CACNA1C: variants seen among roughly 807,000 people sequenced by gnomAD.
CACNA1C encodes voltage-dependent L-type calcium channel subunit alpha-1C.
Under a neutral mutation model 229.0 loss-of-function variants are expected in CACNA1C, and 30 were observed. The ratio of observed to expected loss-of-function variants is 0.13; its 90% confidence interval spans 0.10 to 0.18. The LOEUF (loss-of-function observed/expected upper bound fraction) is 0.18. Ranked by LOEUF, CACNA1C falls within the 10% of genes least tolerant of loss-of-function variation. The probability of loss-of-function intolerance (pLI) is 1.00; values close to 1 mark genes in which losing one functional copy is unlikely to be tolerated. For missense variants in CACNA1C, 1,658 were observed against 2,845.0 expected (o/e 0.58, Z 9.49); for synonymous variants, 1,114 against 1,132.5 (o/e 0.98, Z 0.33).
At chr12:2,077,544 TCA>T (rs1385174191) in intron 1 of CACNA1C, among the ~76,000 whole-genome samples, 2 of 152,120 alleles carry the variant, frequency 1.3e-5, no homozygotes, top group African/African-American at 2.4e-5. Flanking sequence ...AACTTAATTC[TCA>T]CAACAACCCT....
At chr12:2,368,949 C>T (rs958537220) in intron 3 of CACNA1C, among the ~76,000 whole-genome samples, 9 of 152,116 alleles carry the variant, frequency 5.9e-5, no homozygotes, top group African/African-American at 9.7e-5. Context: ...AAGGAATCCA[C>T]GGACAGAGCT....
intron 1 of CACNA1C, among the ~76,000 whole-genome samples, chr12:1,976,673 A>G (rs1455520117): frequency 6.6e-6 from 1 of 152,122 alleles, no homozygotes; most frequent in Non-Finnish European, 1.5e-5. Context: ...AGTTACTTTA[A>G]ATATTAGTTT....
intron 3 of CACNA1C, among the ~76,000 whole-genome samples, chr12:2,392,874 G>A (rs2098509362): frequency 1.3e-5 from 2 of 152,116 alleles, no homozygotes; most frequent in South Asian, 4.1e-4. Flanking sequence ...TGGCAGCTAG[G>A]GAGCTTTTCT....
Position 2,053,051 on chromosome 12 carries a change from G to A in CACNA1C, c.-512G>A, listed in dbSNP as rs538323756. On this transcript the variant is annotated 5_prime_UTR_variant, in exon 1 of 47. Coordinates refer to ENST00000399655, the MANE Select transcript of CACNA1C (RefSeq NM_000719.7). This position sits in a 1 kb window ranked among gnomAD's most constrained non-coding sequence, Gnocchi z 5.8. Reference sequence around the variant, plus strand: ...GAGCGGCGCTCGGCGCGGCGCGGCGGGCCCGGAGCGGCGGCGGCGGCTCTT... The same window carrying A: ...GAGCGGCGCTCGGCGCGGCGCGGCGAGCCCGGAGCGGCGGCGGCGGCTCTT... The A allele has an allele frequency of 0.021, 20,430 of 983,800 alleles. 270 individuals carry two copies. Among genetic ancestry groups the A allele is most frequent in the Non-Finnish European group, 0.023 (18,919 of 829,124 alleles). The allele number at this position is 983,800 out of a possible 1,614,324, so 60.9% of individuals were successfully genotyped here.
At position 2,100,475 on chromosome 12, in the gene CACNA1C, A is replaced by C. The variant is rs573473456; in HGVS notation, c.50-14749A>C. On this transcript the variant is annotated intron_variant, in intron 1 of 46. Transcript: ENST00000399655. ...GAGCGAGACTCCATCTCAAAAAAAA[A>C]AAAACAAAAAAAAAAAACAACAAAA... is the stretch of plus-strand genomic sequence containing the variant. Among the ~76,000 whole-genome samples, 69 of 68,860 alleles carry C rather than the reference A, an allele frequency of 1.0e-3. 1 individual carries two copies. In the East Asian group the frequency reaches 0.013, roughly 13 times the overall value. The allele number at this position is 68,860 out of a possible 152,430, so 45.2% of individuals were successfully genotyped here.
chr12:2,503,698 G>A (rs202137673), intron 7 of CACNA1C, among the ~76,000 whole-genome samples: 3 of 152,286 alleles, frequency 2.0e-5, no homozygotes, highest in East Asian at 1.9e-4. Flanking sequence ...AGCCAGCTCC[G>A]GCGCACCACT....
At chr12:2,443,670 T>C (rs1003886100) in intron 3 of CACNA1C, among the ~76,000 whole-genome samples, 1 of 152,216 alleles carries the variant, frequency 6.6e-6, no homozygotes, top group African/African-American at 2.4e-5. Flanking sequence ...CACAGGCCTC[T>C]GGCTTCAGAG....
rs576262123 is a variant in CACNA1C at position 2,402,313 on chromosome 12, G to A, written c.478-46663G>A. On this transcript the variant is annotated intron_variant, in intron 3 of 46. Coordinates refer to ENST00000399655, the MANE Select transcript of CACNA1C (RefSeq NM_000719.7). ...GATAATGAAATGAGTTGAGCGCCAC[G>A]TGCAACGTGGCTGGCTAGGAGACTC... 2.6e-5 allele frequency among the ~76,000 whole-genome samples: 4 copies of A among 152,374 alleles called. No individual in the cohort carries two copies. In the South Asian group the frequency reaches 6.2e-4, roughly 24 times the overall value.
At chr12:2,427,333 T>C (rs1468806688) in intron 3 of CACNA1C, among the ~76,000 whole-genome samples, 10 of 152,184 alleles carry the variant, frequency 6.6e-5, no homozygotes, top group Admixed American at 5.9e-4. Context: ...TTTCATGAAA[T>C]GAAAAGGATA....
At chr12:2,021,180 T>C (rs1422618826) in intron 1 of CACNA1C, among the ~76,000 whole-genome samples, 1 of 152,220 alleles carries the variant, frequency 6.6e-6, no homozygotes, top group Non-Finnish European at 1.5e-5. Flanking sequence ...GCAAATAGCT[T>C]TGCATAGATC....
chr12:2,337,513 A>G (rs907825122), intron 3 of CACNA1C, among the ~76,000 whole-genome samples: 7 of 152,212 alleles, frequency 4.6e-5, no homozygotes, highest in Non-Finnish European at 1.0e-4. Context: ...CCAGTGTTCC[A>G]TGAAAGCTCC....
chr12:2,467,598 C>CG lies in CACNA1C; in HGVS notation c.757+9898dup, dbSNP rs2099565503. ...GGCAGCCAGAGACAGCAGGGGGTGGCGGGGGGCCCTTCACACTGCAGGAGG... is the reference window on the plus strand; with the variant it reads ...GGCAGCCAGAGACAGCAGGGGGTGGCGGGGGGGCCCTTCACACTGCAGGAGG... On this transcript the variant is annotated intron_variant, in intron 5 of 46. Transcript: ENST00000399655. This position sits in a 1 kb window ranked among gnomAD's most constrained non-coding sequence, Gnocchi z 4.6. 6.6e-6 allele frequency among the ~76,000 whole-genome samples: 1 copy of CG among 152,114 alleles called. No homozygotes were observed. Among genetic ancestry groups the CG allele is most frequent in the Non-Finnish European group, 1.5e-5 (1 of 68,004 alleles).
chr12:2,346,692 AG>A lies in CACNA1C; in HGVS notation c.478-102279del, dbSNP rs2154524321. Among the ~76,000 whole-genome samples the A allele has an allele frequency of 6.6e-6, 1 of 152,292 alleles. No individual in the cohort carries two copies. Among genetic ancestry groups the A allele is most frequent in the African/African-American group, 2.4e-5 (1 of 41,560 alleles). On this transcript the variant is annotated intron_variant, in intron 3 of 46. Transcript: ENST00000399655. This position sits in a 1 kb window ranked among gnomAD's most constrained non-coding sequence, Gnocchi z 4.4. ...AGTACAGGCTTTGCCAGGGCTTAGC[AG>A]GGGGAATTGGAAGGCCTTAAAAGGA...
At chr12:2,661,315 A>ACACACACAC (rs1491547750) in intron 34 of CACNA1C, among the ~76,000 whole-genome samples, 1 of 144,392 alleles carries the variant, frequency 6.9e-6, no homozygotes, top group African/African-American at 2.5e-5. Context: ...ACACACACAC[A>ACACACACAC]AGATTTTTCT....
chr12:2,421,302 A>T (rs1313495306), intron 3 of CACNA1C, among the ~76,000 whole-genome samples: 1 of 152,214 alleles, frequency 6.6e-6, no homozygotes, highest in Non-Finnish European at 1.5e-5. Context: ...TAGAACACGT[A>T]AGGGCAAAGG....
intron 9 of CACNA1C, among the ~76,000 whole-genome samples, chr12:2,529,705 C>A (rs2099836349): frequency 6.6e-6 from 1 of 152,342 alleles, no homozygotes; most frequent in South Asian, 2.1e-4. Flanking sequence ...GTCAACATTT[C>A]TTTTTCACTT....
chr12:2,072,281 C>G (rs1463912546), intron 1 of CACNA1C, among the ~76,000 whole-genome samples: 1 of 152,072 alleles, frequency 6.6e-6, no homozygotes, highest in Admixed American at 6.5e-5. Context: ...TCACTGCAAC[C>G]TCCACGTTCC....
At chr12:2,518,076 G>A (rs930886997) in intron 9 of CACNA1C, among the ~76,000 whole-genome samples, 5 of 152,166 alleles carry the variant, frequency 3.3e-5, no homozygotes, top group African/African-American at 4.8e-5. Flanking sequence ...CCATGGTATC[G>A]AGTTATGTGA....
rs573748048 is a variant in CACNA1C at position 2,377,023 on chromosome 12, G to A, written c.478-71953G>A. ...TCTGTGCTCTGCCGCCATCCTCTGC[G>A]GGGGTGGAGCCAGCATCTTGGCAGC... On this transcript the variant is annotated intron_variant, in intron 3 of 46. Coordinates refer to ENST00000399655, the MANE Select transcript of CACNA1C (RefSeq NM_000719.7). 9.8e-5 allele frequency among the ~76,000 whole-genome samples: 15 copies of A among 152,300 alleles called. No homozygotes were observed. In the East Asian group the frequency reaches 1.7e-3, roughly 18 times the overall value.
Sources: gnomAD v4.1 joint callset for allele counts (sites outside exome capture counted in the v4.1 genomes callset) on GRCh38, gnomAD v4.1.1 for gene constraint, Gnocchi (gnomAD v3.1) non-coding constraint, MANE v1.5 for transcripts, NCBI Gene and HGNC (gene_info 2026-07-23, HGNC 2026-07-21) for gene names.